AFF3: variants seen among roughly 807,000 people sequenced by gnomAD.
AFF3 encodes ALF transcription elongation factor 3.
AFF3 carries 32 observed loss-of-function variants against 129.7 expected under a neutral mutation model. The observed-to-expected ratio is 0.25, with a 90% confidence interval of 0.19 to 0.33. AFF3 has a LOEUF of 0.33. AFF3 is among the 10% of genes least tolerant of loss of function. The pLI, the probability that AFF3 is intolerant of heterozygous loss-of-function variation, is 1.00. For synonymous variants in AFF3, 644 were observed against 635.4 expected (o/e 1.01, Z -0.20); for missense variants, 1,373 against 1,592.0 (o/e 0.86, Z 2.34).
chr2:99,947,269 C>T (rs1014776703), intron 7 of AFF3, among the ~76,000 whole-genome samples: 1 of 152,006 alleles, frequency 6.6e-6, no homozygotes, highest in Non-Finnish European at 1.5e-5. Flanking sequence ...GATAAAACCC[C>T]GTCTCTACTA....
At chr2:99,981,935 G>T (rs1307145476) in intron 7 of AFF3, among the ~76,000 whole-genome samples, 1 of 152,082 alleles carries the variant, frequency 6.6e-6, no homozygotes, top group Non-Finnish European at 1.5e-5. Context: ...TTTTAAAAAA[G>T]AGAGCCCTGA....
At chr2:99,654,669 AG>A (rs1435929069) in intron 12 of AFF3, among the ~76,000 whole-genome samples, 7 of 152,156 alleles carry the variant, frequency 4.6e-5, no homozygotes, top group Non-Finnish European at 1.0e-4. Context: ...ATAGGTTGAG[AG>A]GGTTAAGAGA....
intron 14 of AFF3, among the ~76,000 whole-genome samples, chr2:99,598,671 GC>G (rs1184552687): frequency 6.6e-6 from 1 of 152,206 alleles, no homozygotes; most frequent in Admixed American, 6.5e-5. Flanking sequence ...CTGCTTCAAA[GC>G]AGCACAAACT....
At chr2:99,823,536 T>C (rs893345710) in intron 8 of AFF3, among the ~76,000 whole-genome samples, 22 of 152,198 alleles carry the variant, frequency 1.4e-4, no homozygotes, top group Non-Finnish European at 3.1e-4. Flanking sequence ...ACTTGAGGAA[T>C]AGTTTTAAAT....
intron 7 of AFF3, among the ~76,000 whole-genome samples, chr2:99,886,003 C>G (rs1257879003): frequency 6.6e-6 from 1 of 152,190 alleles, no homozygotes; most frequent in Non-Finnish European, 1.5e-5. Flanking sequence ...AACACGCAGA[C>G]AGTGAAAGTT....
At chr2:99,892,024 G>A (rs527474114) in intron 7 of AFF3, among the ~76,000 whole-genome samples, 115 of 152,098 alleles carry the variant, frequency 7.6e-4, no homozygotes, top group Non-Finnish European at 1.2e-3. Context: ...GGGTTTCACC[G>A]TATTAGCCAG....
At chr2:99,647,036 T>C (rs1370077933) in intron 13 of AFF3, among the ~76,000 whole-genome samples, 1 of 152,214 alleles carries the variant, frequency 6.6e-6, no homozygotes, top group Non-Finnish European at 1.5e-5. Context: ...AAACGAATGC[T>C]TGTACACTGT....
rs560470380 is a variant in AFF3 at position 99,897,893 on chromosome 2, G to C, written c.874-60369C>G. ...GAATTTTATGCACTTAAGAGCCCCA[G>C]AACTCTAATGCAAAATTATAATCTG... On this transcript the variant is annotated intron_variant, in intron 7 of 24. Coordinates refer to ENST00000672756, the MANE Select transcript of AFF3 (RefSeq NM_001386135.1). 3.7e-4 allele frequency among the ~76,000 whole-genome samples: 57 copies of C among 152,244 alleles called. 1 individual carries two copies. The highest frequency in any genetic ancestry group is 1.3e-3 in the African/African-American group (56 of 41,554).
At chr2:99,848,307 T>A (rs1458863996) in intron 7 of AFF3, among the ~76,000 whole-genome samples, 1 of 151,438 alleles carries the variant, frequency 6.6e-6, no homozygotes, top group East Asian at 1.9e-4. Context: ...AAAAAAGACA[T>A]CACATGTAAA....
At chr2:99,802,306 C>T (rs1371029943) in intron 8 of AFF3, among the ~76,000 whole-genome samples, 1 of 152,104 alleles carries the variant, frequency 6.6e-6, no homozygotes, top group Non-Finnish European at 1.5e-5. Flanking sequence ...GAAAAGGAGA[C>T]AAAAAGGCAG....
rs983086195 is a variant in AFF3, at chr2:100,107,569, C to T, written c.-144-1986G>A. ...AGTGCTTGTGACCTGAGGGTCTTTT[C>T]TCCCCACATGGATGCAAGCAACACC... On this transcript the variant is annotated intron_variant, in intron 2 of 24. Coordinates refer to ENST00000672756, the MANE Select transcript of AFF3 (RefSeq NM_001386135.1). The T allele has an allele frequency of 1.8e-5, 17 of 931,924 alleles. No individual in the cohort carries two copies. In the Admixed American group the frequency reaches 7.4e-4, roughly 41 times the overall value. The allele number at this position is 931,924 out of a possible 1,614,324, so 57.7% of individuals were successfully genotyped here.
intron 11 of AFF3, among the ~76,000 whole-genome samples, chr2:99,676,953 T>C (rs1301922112): frequency 1.3e-5 from 2 of 151,902 alleles, no homozygotes; most frequent in African/African-American, 2.4e-5. Flanking sequence ...AATGGGGAAG[T>C]TGAAATAAAA....
At chr2:99,742,031 T>C (rs1341127892) in intron 10 of AFF3, among the ~76,000 whole-genome samples, 2 of 152,134 alleles carry the variant, frequency 1.3e-5, no homozygotes, top group African/African-American at 4.8e-5. Flanking sequence ...TTTGTATACA[T>C]GTGCTGGGGT....
At chr2:99,677,552 C>T (rs912818447) in intron 11 of AFF3, among the ~76,000 whole-genome samples, 5 of 152,178 alleles carry the variant, frequency 3.3e-5, no homozygotes, top group South Asian at 2.1e-4. Context: ...CTTCCTGACA[C>T]GCAGACAAGG....
chr2:99,841,957 G>C (rs569318340), intron 7 of AFF3, among the ~76,000 whole-genome samples: 1 of 152,068 alleles, frequency 6.6e-6, no homozygotes, highest in South Asian at 2.1e-4. Context: ...CCTTTTCCAC[G>C]TGGCACATTA....
chr2:99,987,321 C>T (rs1679961853), intron 7 of AFF3, among the ~76,000 whole-genome samples: 1 of 152,170 alleles, frequency 6.6e-6, no homozygotes, highest in South Asian at 2.1e-4. Context: ...ACGATGTGTA[C>T]CTAGCACAAT....
rs368751222 is a variant in AFF3, at chr2:100,008,967, A to G, written c.54-35T>C. 2.5e-6 allele frequency: 4 copies of G among 1,609,272 alleles called. No individual in the cohort carries two copies. In the African/African-American group the frequency reaches 5.4e-5, roughly 22 times the overall value. On this transcript the variant is annotated intron_variant, in intron 4 of 24. Transcript: ENST00000672756. ...GAAAAAGAAGAGAGAACAACCACAC[A>G]CACAAATTAAACTGTAAAGCCCAAT...
chr2:100,108,683 G>C (rs555277718), intron 2 of AFF3, among the ~76,000 whole-genome samples: 1 of 152,102 alleles, frequency 6.6e-6, no homozygotes, highest in Non-Finnish European at 1.5e-5. Context: ...CCCCGGTCGA[G>C]GGCTGAGAAC....
At chr2:99,743,997 T>A in intron 10 of AFF3, 107 bp downstream of exon 10, 1 of 988,762 alleles carries the variant, frequency 1.0e-6, no homozygotes, top group Non-Finnish European at 1.5e-6. Flanking sequence ...TTTTAGTGAA[T>A]TTCTTTGAAA....
Sources: allele counts gnomAD v4.1 joint callset (sites outside exome capture counted in the v4.1 genomes callset), GRCh38; gene constraint gnomAD v4.1.1; transcripts MANE v1.5; gene names NCBI Gene and HGNC (gene_info 2026-07-23, HGNC 2026-07-21).